LRP1B: variants seen among roughly 807,000 people sequenced by gnomAD.
LRP1B encodes LDL receptor related protein 1B.
In LRP1B, 217 loss-of-function variants were observed where a neutral mutation model predicts 556.6. The observed-to-expected ratio is 0.39, with a 90% CI of 0.35 to 0.44. The LOEUF (loss-of-function observed/expected upper bound fraction) is 0.44. LRP1B is among the 20% of genes least tolerant of loss of function. The pLI is 1.00. For synonymous variants in LRP1B, 2,047 were observed against 1,865.8 expected, an observed-to-expected ratio of 1.10 and a Z score of -2.50; for missense variants, 5,053 against 5,620.8, an observed-to-expected ratio of 0.90 and a Z score of 3.23.
intron 89 of LRP1B, among the ~76,000 whole-genome samples, chr2:140,236,475 A>G (rs919006640): frequency 1.3e-5 from 2 of 151,108 alleles, no homozygotes; most frequent in African/African-American, 4.8e-5. Flanking sequence ...TAAAATTATC[A>G]GAAAGAATAT....
chr2:141,280,132 C>T (rs1370548399), intron 3 of LRP1B, among the ~76,000 whole-genome samples: 2 of 152,042 alleles, frequency 1.3e-5, no homozygotes, highest in East Asian at 1.9e-4. Context: ...CCTCTTACTA[C>T]GTTGCGTGAA....
intron 47 of LRP1B, among the ~76,000 whole-genome samples, chr2:140,530,872 A>G (rs1410341435): frequency 4.6e-5 from 7 of 152,154 alleles, no homozygotes; most frequent in Admixed American, 4.6e-4. Context: ...TATGACTGAG[A>G]TAGTTATAAC....
intron 10 of LRP1B, 133 bp downstream of exon 10, chr2:141,054,983 A>G: frequency 2.4e-6 from 2 of 825,838 alleles, no homozygotes; most frequent in Non-Finnish European, 3.5e-6. Flanking sequence ...AGAAAAATGG[A>G]CAGTATATAT....
intron 21 of LRP1B, among the ~76,000 whole-genome samples, chr2:140,919,487 C>T (rs968123217): frequency 3.3e-5 from 5 of 152,056 alleles, no homozygotes; most frequent in African/African-American, 1.2e-4. Flanking sequence ...TTTTTCAACT[C>T]TCCTTTCAAA....
At chr2:141,122,420 A>AC (rs1558875550) in intron 7 of LRP1B, among the ~76,000 whole-genome samples, 3 of 140,372 alleles carry the variant, frequency 2.1e-5, no homozygotes, top group African/African-American at 7.8e-5. Context: ...AAAAAAAAAA[A>AC]CATCAAAAAG....
At chr2:140,252,832 T>C (rs1023903664) in intron 86 of LRP1B, among the ~76,000 whole-genome samples, 1 of 152,100 alleles carries the variant, frequency 6.6e-6, no homozygotes, top group Non-Finnish European at 1.5e-5. Flanking sequence ...ATACTGTAGA[T>C]GTATCTAATA....
chr2:141,905,579 A>G (rs1216722279), intron 1 of LRP1B, among the ~76,000 whole-genome samples: 1 of 151,768 alleles, frequency 6.6e-6, no homozygotes, highest in Non-Finnish European at 1.5e-5. Flanking sequence ...CTTAAGCATG[A>G]TTGGAAGTGA....
chr2:140,738,685 C>T (rs1339400305), intron 35 of LRP1B, among the ~76,000 whole-genome samples: 1 of 152,134 alleles, frequency 6.6e-6, no homozygotes, highest in African/African-American at 2.4e-5. Context: ...TTCTCCTCCA[C>T]AGGTGTCAGT....
chr2:140,352,055 A>T (rs1346019034), intron 76 of LRP1B, among the ~76,000 whole-genome samples: 1 of 152,144 alleles, frequency 6.6e-6, no homozygotes, highest in Non-Finnish European at 1.5e-5. Flanking sequence ...ATAATGTCCA[A>T]TCATACTTTG....
At chr2:140,395,932 G>T (rs890698288) in intron 66 of LRP1B, among the ~76,000 whole-genome samples, 1 of 152,008 alleles carries the variant, frequency 6.6e-6, no homozygotes. Context: ...GTTATGAAGT[G>T]AGTGGGGGGG....
chr2:140,296,749 C>T lies in LRP1B; in HGVS notation c.12967+1059G>A, dbSNP rs563730796. Among the ~76,000 whole-genome samples, 40 of 152,196 alleles carry T rather than the reference C, an allele frequency of 2.6e-4. 1 individual carries two copies. Among genetic ancestry groups the T allele is most frequent in the Middle Eastern group, 6.8e-3 (2 of 294 alleles). ...TGTAAAATAAGAATTGAGATTTGAT[C>T]ATTATATATGGCAACATGGAGGACA... On this transcript the variant is annotated intron_variant, in intron 84 of 90. Transcript: ENST00000389484.
chr2:141,539,668 T>C (rs1458057953), intron 2 of LRP1B, among the ~76,000 whole-genome samples: 2 of 152,186 alleles, frequency 1.3e-5, no homozygotes, highest in Admixed American at 6.6e-5. Flanking sequence ...ATAGCAAATA[T>C]TTTAGGCTTT....
At chr2:141,066,011 G>T (rs1164486149) in intron 7 of LRP1B, among the ~76,000 whole-genome samples, 6 of 151,706 alleles carry the variant, frequency 4.0e-5, no homozygotes, top group Non-Finnish European at 5.9e-5. Flanking sequence ...TTTTTGTTAT[G>T]CAGCAAAAAG....
At position 140,988,759 on chromosome 2, in the gene LRP1B, T is replaced by C. The variant is rs1281075838; in HGVS notation, c.2770+773A>G. Reference sequence around the variant, plus strand: ...GCAAAGACAGAAAGAGTTGATGGGGTGATTAATATGTTTTGATGTTGCTCT... The same window carrying C: ...GCAAAGACAGAAAGAGTTGATGGGGCGATTAATATGTTTTGATGTTGCTCT... On this transcript the variant is annotated intron_variant, in intron 17 of 90. Coordinates refer to ENST00000389484, the MANE Select transcript of LRP1B (RefSeq NM_018557.3). 3.9e-5 allele frequency among the ~76,000 whole-genome samples: 6 copies of C among 152,136 alleles called. No homozygotes were observed. The South Asian group carries it at 1.0e-3, about 26-fold the overall frequency.
At chr2:141,916,114 A>C (rs888086814) in intron 1 of LRP1B, among the ~76,000 whole-genome samples, 12 of 152,188 alleles carry the variant, frequency 7.9e-5, no homozygotes, top group Non-Finnish European at 1.5e-4. Flanking sequence ...ACAAAAAAAC[A>C]CAAGCACTCA....
chr2:140,688,050 T>C (rs1221687988), intron 41 of LRP1B, among the ~76,000 whole-genome samples: 1 of 152,168 alleles, frequency 6.6e-6, no homozygotes, highest in East Asian at 1.9e-4. Context: ...TGAAAAATGC[T>C]GCTTCTAATC....
intron 35 of LRP1B, among the ~76,000 whole-genome samples, chr2:140,748,442 T>TTA (rs70988427): frequency 2.8e-4 from 31 of 109,978 alleles, no homozygotes; most frequent in East Asian, 1.3e-3. Context: ...TATATATATA[T>TTA]TATATATATA....
intron 7 of LRP1B, among the ~76,000 whole-genome samples, chr2:141,147,077 CT>C (rs1701803509): frequency 6.6e-6 from 1 of 152,184 alleles, no homozygotes; most frequent in South Asian, 2.1e-4. Context: ...GGTTTTTCTT[CT>C]CCCCTCCTTT....
chr2:141,508,703 T>C (rs1684018244), intron 2 of LRP1B, among the ~76,000 whole-genome samples: 1 of 152,134 alleles, frequency 6.6e-6, no homozygotes, highest in African/African-American at 2.4e-5. Flanking sequence ...CAATAATTAC[T>C]AGGAAGAGGC....
Sources: gnomAD v4.1 joint callset for allele counts (sites outside exome capture counted in the v4.1 genomes callset) on GRCh38, gnomAD v4.1.1 for gene constraint, MANE v1.5 for transcripts, NCBI Gene and HGNC (gene_info 2026-07-23, HGNC 2026-07-21) for gene names.